SLC35D2: variants seen among roughly 807,000 people sequenced by gnomAD.
SLC35D2 encodes solute carrier family 35 member D2, also known as nucleotide sugar transporter SLC35D2.
A neutral mutation model predicts 41.8 loss-of-function variants in SLC35D2; 43 were observed. The observed-to-expected ratio is 1.03, with a 90% confidence interval of 0.81 to 1.33. SLC35D2 has a LOEUF of 1.33. Among genes scored for constraint, SLC35D2 ranks in the 40% most tolerant of loss-of-function variants. The probability of loss-of-function intolerance (pLI) is 0.00; values close to 1 mark genes in which losing one functional copy is unlikely to be tolerated. For synonymous variants in SLC35D2, 150 were observed against 163.9 expected (o/e 0.92, Z 0.65); for missense variants, 380 against 408.4 (o/e 0.93, Z 0.60).
Position 96,337,055 on chromosome 9 carries a change from C to T in SLC35D2, c.685-271G>A, listed in dbSNP as rs762040642. Among the ~76,000 whole-genome samples, 195 of 152,346 alleles carry T rather than the reference C, an allele frequency of 1.3e-3. 1 individual carries two copies. The highest frequency in any genetic ancestry group is 4.6e-3 in the African/African-American group (191 of 41,590). On this transcript the variant is annotated intron_variant, in intron 8 of 11. Transcript: ENST00000253270. ...AAGGACTGAAAGAAATTGTTTAGGA[C>T]TGTGCTGATGGCCAGCACAAAATCG...
At chr9:96,352,011 G>A in intron 5 of SLC35D2, 27 bp downstream of exon 5, 1 of 1,523,468 alleles carries the variant, frequency 6.6e-7, no homozygotes. Context: ...GAGGCACACT[G>A]GAAGAATGGA....
chr9:96,355,504 T>A lies in SLC35D2; in HGVS notation c.348-3395A>T, dbSNP rs543579919. Among the ~76,000 whole-genome samples the A allele has an allele frequency of 9.2e-3, 1,095 of 118,718 alleles. 3 individuals carry two copies. The highest frequency in any genetic ancestry group is 0.014 in the African/African-American group (403 of 28,956). 77.9% of individuals were successfully genotyped at this position (118,718 alleles called of 152,430 possible). ...TATTGTCTCTAAGAAAAAAAAAAAA[T>A]TTTTTTTTTTTGAGACGGAGTTTCG... On this transcript the variant is annotated intron_variant, in intron 4 of 11. Transcript: ENST00000253270.
chr9:96,323,797 G>A (rs1828371206), intron 10 of SLC35D2, among the ~76,000 whole-genome samples: 1 of 151,860 alleles, frequency 6.6e-6, no homozygotes. Flanking sequence ...GTGGTGGCAG[G>A]CGCCTGTAAT....
chr9:96,336,240 A>T (rs999179965), intron 9 of SLC35D2, among the ~76,000 whole-genome samples: 1 of 152,120 alleles, frequency 6.6e-6, no homozygotes, highest in African/African-American at 2.4e-5. Context: ...ACATGGTGAC[A>T]AAGATGAAAA....
intron 1 of SLC35D2, among the ~76,000 whole-genome samples, chr9:96,374,851 A>C (rs1454891906): frequency 1.3e-5 from 2 of 151,876 alleles, no homozygotes; most frequent in Non-Finnish European, 2.9e-5. Flanking sequence ...CTCAAAAAAA[A>C]AAAAAAAATT....
chr9:96,321,468 T>G (rs1828222859), intron 11 of SLC35D2, 127 bp from the exon 12 acceptor site: 1 of 657,570 alleles, frequency 1.5e-6, no homozygotes, highest in Non-Finnish European at 2.6e-6. Context: ...TCTGTGTTTC[T>G]CCTCAAGTTT....
At chr9:96,328,239 A>G (rs1404650836) in intron 9 of SLC35D2, among the ~76,000 whole-genome samples, 4 of 93,082 alleles carry the variant, frequency 4.3e-5, no homozygotes, top group African/African-American at 2.4e-4. Context: ...AACCTTTTTT[A>G]CCATTCTATA....
intron 8 of SLC35D2, among the ~76,000 whole-genome samples, chr9:96,341,986 T>C (rs1017710535): frequency 3.2e-4 from 49 of 150,874 alleles, no homozygotes; most frequent in African/African-American, 1.1e-3. Flanking sequence ...TCAGAACAGA[T>C]AAACTCCGCT....
chr9:96,343,846 A>T, intron 8 of SLC35D2, 58 bp downstream of exon 8: 1 of 1,133,066 alleles, frequency 8.8e-7, no homozygotes, highest in African/African-American at 1.6e-5. Context: ...ATCAAATGTT[A>T]AATATTAAAT....
At chr9:96,340,687 TTTG>T (rs1829285259) in intron 8 of SLC35D2, among the ~76,000 whole-genome samples, 1 of 150,376 alleles carries the variant, frequency 6.6e-6, no homozygotes, top group Non-Finnish European at 1.5e-5. Context: ...TGACTTGTAC[TTTG>T]TTATTTTATA....
chr9:96,321,053 C>A lies in SLC35D2; in HGVS notation c.*189G>T. The A allele has an allele frequency of 1.8e-6, 1 of 545,482 alleles. No individual in the cohort carries two copies. Among genetic ancestry groups the A allele is most frequent in the Non-Finnish European group, 3.3e-6 (1 of 306,980 alleles). The allele number at this position is 545,482 out of a possible 1,614,324, so 33.8% of individuals were successfully genotyped here. On this transcript the variant is annotated 3_prime_UTR_variant, in exon 12 of 12. Transcript: ENST00000253270. Reference sequence around the variant, plus strand: ...TGCTTTCCACAGGTAAGGTGTCGCCCGAGTACATTTCTTGAGACTGCCATT... The same window carrying A: ...TGCTTTCCACAGGTAAGGTGTCGCCAGAGTACATTTCTTGAGACTGCCATT...
chr9:96,341,672 T>C (rs1484369312), intron 8 of SLC35D2, among the ~76,000 whole-genome samples: 3 of 152,198 alleles, frequency 2.0e-5, no homozygotes, highest in Non-Finnish European at 4.4e-5. Flanking sequence ...TTCCACATGA[T>C]AATCATTACA....
At chr9:96,331,328 GT>G (rs1828798274) in intron 9 of SLC35D2, among the ~76,000 whole-genome samples, 1 of 152,184 alleles carries the variant, frequency 6.6e-6, no homozygotes, top group South Asian at 2.1e-4. Context: ...TTTATCTTAT[GT>G]AAAATGCAGA....
At chr9:96,377,260 G>A (rs560745425) in intron 1 of SLC35D2, among the ~76,000 whole-genome samples, 10 of 152,148 alleles carry the variant, frequency 6.6e-5, no homozygotes, top group Non-Finnish European at 1.0e-4. Context: ...TAACCAGGTA[G>A]GAAAAGCATT....
intron 4 of SLC35D2, among the ~76,000 whole-genome samples, chr9:96,354,324 A>G (rs1304192147): frequency 6.6e-6 from 1 of 152,214 alleles, no homozygotes; most frequent in Admixed American, 6.5e-5. Context: ...AGCTATCTCT[A>G]TTTGCAGAGA....
At chr9:96,351,729 T>C (rs971871234) in intron 5 of SLC35D2, among the ~76,000 whole-genome samples, 4 of 152,186 alleles carry the variant, frequency 2.6e-5, no homozygotes, top group Non-Finnish European at 5.9e-5. Flanking sequence ...GTTTCCCTTC[T>C]GTATTCCAAA....
intron 8 of SLC35D2, among the ~76,000 whole-genome samples, chr9:96,341,292 T>C (rs898377757): frequency 2.6e-5 from 4 of 152,004 alleles, no homozygotes; most frequent in African/African-American, 9.7e-5. Flanking sequence ...GTCTCAAAAA[T>C]ATAAAATAAA....
intron 8 of SLC35D2, among the ~76,000 whole-genome samples, chr9:96,337,372 C>G (rs1355857515): frequency 1.3e-5 from 2 of 151,840 alleles, no homozygotes; most frequent in Non-Finnish European, 2.9e-5. Flanking sequence ...GGCCACCATG[C>G]CTGGCTAATT....
intron 10 of SLC35D2, 43 bp from the exon 11 acceptor site, chr9:96,322,123 G>C: frequency 1.6e-6 from 2 of 1,234,230 alleles, no homozygotes; most frequent in Non-Finnish European, 2.4e-6. Context: ...AAAGTAAACT[G>C]TTTAGGGGAA....
Sources: allele counts gnomAD v4.1 joint callset (sites outside exome capture counted in the v4.1 genomes callset), GRCh38; gene constraint gnomAD v4.1.1; transcripts MANE v1.5; gene names NCBI Gene and HGNC (gene_info 2026-07-23, HGNC 2026-07-21).